SCOC: variants seen among roughly 807,000 people sequenced by gnomAD.
SCOC encodes short coiled-coil protein, also known as short coiled coil protein.
In SCOC, 7 loss-of-function variants were observed where a neutral mutation model predicts 9.9. The ratio of observed to expected loss-of-function variants is 0.71; its 90% confidence interval spans 0.40 to 1.33. The LOEUF (loss-of-function observed/expected upper bound fraction) is 1.33. SCOC is among the 40% of genes most tolerant of loss of function. SCOC has a pLI of 0.01. For missense variants in SCOC, 66 were observed against 89.7 expected (o/e 0.74, Z 1.07); for synonymous variants, 19 against 28.2 (o/e 0.67, Z 1.03).
chr4:140,307,373 G>A (rs1732024313), intron 1 of SCOC, among the ~76,000 whole-genome samples: 1 of 152,164 alleles, frequency 6.6e-6, no homozygotes, highest in Non-Finnish European at 1.5e-5. Flanking sequence ...AGCAGTCTGA[G>A]GTTCCTTCCA....
intron 2 of SCOC, among the ~76,000 whole-genome samples, chr4:140,362,446 C>T (rs567567040): frequency 6.7e-6 from 1 of 149,506 alleles, no homozygotes; most frequent in South Asian, 2.1e-4. Flanking sequence ...CAGGCCAAGC[C>T]ACCATGCCCG....
At position 140,374,965 on chromosome 4, in the gene SCOC, A is replaced by C. The variant is rs140350392; in HGVS notation, c.-51+1248A>C. 4.7e-3 allele frequency among the ~76,000 whole-genome samples: 717 copies of C among 152,362 alleles called. 3 individuals carry two copies. The highest frequency in any genetic ancestry group is 0.011 in the African/African-American group (445 of 41,588). ...TAATGCACGAAGACATTATTTTAGC[A>C]GTCTTAGTAGTTCTCCAGTATGACA... On this transcript the variant is annotated intron_variant, in intron 1 of 3. Transcript: ENST00000608372.
intron 1 of SCOC, among the ~76,000 whole-genome samples, chr4:140,322,660 T>C (rs1732533839): frequency 6.6e-6 from 1 of 152,188 alleles, no homozygotes; most frequent in East Asian, 1.9e-4. Flanking sequence ...TCTTAATTGC[T>C]TATAGTAAAA....
intron 1 of SCOC, among the ~76,000 whole-genome samples, chr4:140,334,117 C>T (rs982105456): frequency 6.6e-6 from 1 of 152,118 alleles, no homozygotes; most frequent in African/African-American, 2.4e-5. Flanking sequence ...TAGTGTCTCA[C>T]TATGTTTCCC....
At chr4:140,310,981 G>A (rs1466059104) in intron 1 of SCOC, among the ~76,000 whole-genome samples, 1 of 152,234 alleles carries the variant, frequency 6.6e-6, no homozygotes, top group African/African-American at 2.4e-5. Flanking sequence ...TGAGTGAGAT[G>A]TACCAAGTGT....
At chr4:140,269,043 G>A (rs1461269357) in intron 1 of SCOC, among the ~76,000 whole-genome samples, 1 of 152,142 alleles carries the variant, frequency 6.6e-6, no homozygotes, top group African/African-American at 2.4e-5. Context: ...AAATATTGGG[G>A]AAGAGGATTC....
At chr4:140,274,124 C>T (rs1560677357) in intron 1 of SCOC, among the ~76,000 whole-genome samples, 1 of 152,180 alleles carries the variant, frequency 6.6e-6, no homozygotes, top group Non-Finnish European at 1.5e-5. Context: ...AATTCCTAAG[C>T]TACTATGTAT....
intron 2 of SCOC, among the ~76,000 whole-genome samples, chr4:140,349,760 C>A (rs1416411435): frequency 6.6e-6 from 1 of 152,228 alleles, no homozygotes; most frequent in Non-Finnish European, 1.5e-5. Context: ...CACCACCTCC[C>A]TCACCAGGTC....
At chr4:140,346,249 G>A (rs1262743426) in intron 2 of SCOC, among the ~76,000 whole-genome samples, 2 of 152,152 alleles carry the variant, frequency 1.3e-5, no homozygotes, top group Non-Finnish European at 2.9e-5. Flanking sequence ...TCTAAAAACT[G>A]TAAGGATTAT....
At position 140,373,729 on chromosome 4, in the gene SCOC, C is replaced by T; in HGVS notation, c.-51+12C>T. 1 of 1,544,164 alleles carries T rather than the reference C, an allele frequency of 6.5e-7. No homozygotes were observed. The highest frequency in any genetic ancestry group is 8.7e-7 in the Non-Finnish European group (1 of 1,146,478). ...GCCTCAAGCGGAAGGTGAGGGCCGTCCCGGGCAGCGGAGGGCCTGGCCCCA... is the reference window on the plus strand; with the variant it reads ...GCCTCAAGCGGAAGGTGAGGGCCGTTCCGGGCAGCGGAGGGCCTGGCCCCA... On this transcript the variant is annotated intron_variant, in intron 1 of 3. Transcript: ENST00000608372.
At chr4:140,329,099 C>T (rs776348495) in intron 1 of SCOC, among the ~76,000 whole-genome samples, 10 of 152,140 alleles carry the variant, frequency 6.6e-5, no homozygotes, top group African/African-American at 1.7e-4. Flanking sequence ...TATAAAAATA[C>T]GCACATAGAC....
intron 1 of SCOC, among the ~76,000 whole-genome samples, chr4:140,315,968 A>AC (rs1344041414): frequency 1.3e-5 from 2 of 152,134 alleles, no homozygotes; most frequent in African/African-American, 4.8e-5. Flanking sequence ...AAATAAGAAA[A>AC]TAAGTCCCAT....
At chr4:140,341,857 T>TTGA (rs1726522801), upstream of SCOC, among the ~76,000 whole-genome samples, 1 of 152,226 alleles carries the variant, frequency 6.6e-6, no homozygotes, top group Non-Finnish European at 1.5e-5. Context: ...ATGGGACTCC[T>TTGA]CTTATGGTCA....
chr4:140,316,044 T>A (rs1391869037), intron 1 of SCOC, among the ~76,000 whole-genome samples: 1 of 152,030 alleles, frequency 6.6e-6, no homozygotes, highest in Non-Finnish European at 1.5e-5. Context: ...ATGTAACATA[T>A]AATGTGCCAT....
chr4:140,362,519 T>G (rs1038772530), intron 2 of SCOC, among the ~76,000 whole-genome samples: 43 of 151,266 alleles, frequency 2.8e-4, no homozygotes, highest in Non-Finnish European at 4.4e-5. Context: ...GGTCTGGAAC[T>G]CCTGACCTCA....
chr4:140,324,846 A>G (rs946664063), intron 1 of SCOC, among the ~76,000 whole-genome samples: 1 of 152,094 alleles, frequency 6.6e-6, no homozygotes, highest in Non-Finnish European at 1.5e-5. Context: ...AAACTTATAT[A>G]GAAAGGCAAA....
At chr4:140,330,461 T>A (rs1290334048) in intron 1 of SCOC, among the ~76,000 whole-genome samples, 2 of 152,184 alleles carry the variant, frequency 1.3e-5, no homozygotes, top group African/African-American at 2.4e-5. Context: ...ATGCTGAAGC[T>A]TTTTGTTAAA....
chr4:140,325,974 G>T (rs372759819), intron 1 of SCOC, among the ~76,000 whole-genome samples: 1 of 152,118 alleles, frequency 6.6e-6, no homozygotes, highest in Admixed American at 6.6e-5. Context: ...TGATATATCC[G>T]TACAGTAGGC....
chr4:140,268,980 A>G (rs968758029), intron 1 of SCOC, among the ~76,000 whole-genome samples: 1 of 152,208 alleles, frequency 6.6e-6, no homozygotes, highest in Non-Finnish European at 1.5e-5. Context: ...ACTCATTCCA[A>G]CTTACAGTCA....
Sources: allele counts gnomAD v4.1 joint callset (sites outside exome capture counted in the v4.1 genomes callset), GRCh38; gene constraint gnomAD v4.1.1; transcripts MANE v1.5; gene names NCBI Gene and HGNC (gene_info 2026-07-23, HGNC 2026-07-21).